Variants in NCOA3 observed in about 807,000 individuals in gnomAD.
NCOA3 encodes the protein CBP-interacting protein.
A neutral mutation model predicts 158.8 loss-of-function variants in NCOA3; 51 were observed. The observed-to-expected ratio is 0.32, with a 90% CI of 0.26 to 0.41. The LOEUF is 0.41. NCOA3 is among the 10% of genes least tolerant of loss of function. The pLI is 1.00. For synonymous variants in NCOA3, 537 were observed against 592.4 expected (o/e 0.91, Z 1.36); for missense variants, 1,510 against 1,746.6 (o/e 0.86, Z 2.41).
chr20:47,542,028 T>TTGTTTTTTTTTTG (rs1555802262), intron 1 of NCOA3, among the ~76,000 whole-genome samples: 1 of 81,716 alleles, frequency 1.2e-5, no homozygotes, highest in Non-Finnish European at 2.5e-5. Context: ...TTTTTTTTTT[T>TTGTTTTTTTTTTG]TTGTTGTTGT....
At chr20:47,540,843 A>G (rs2084714561) in intron 1 of NCOA3, among the ~76,000 whole-genome samples, 1 of 152,162 alleles carries the variant, frequency 6.6e-6, no homozygotes, top group African/African-American at 2.4e-5. Context: ...AGAGGAAGAA[A>G]TGATTGTTTG....
chr20:47,618,733 G>A (rs1174744447), intron 2 of NCOA3, among the ~76,000 whole-genome samples: 1 of 152,186 alleles, frequency 6.6e-6, no homozygotes, highest in Non-Finnish European at 1.5e-5. Flanking sequence ...ACAGGCTTAT[G>A]TGTACAGTGT....
At chr20:47,515,428 G>A (rs895218810) in intron 1 of NCOA3, among the ~76,000 whole-genome samples, 1 of 150,670 alleles carries the variant, frequency 6.6e-6, no homozygotes, top group South Asian at 2.1e-4. Context: ...CAAAGTGCTG[G>A]AAATACAGGC....
intron 1 of NCOA3, among the ~76,000 whole-genome samples, chr20:47,519,900 T>C (rs989011972): frequency 6.6e-6 from 1 of 151,878 alleles, no homozygotes; most frequent in Non-Finnish European, 1.5e-5. Flanking sequence ...TAGCTGGGAC[T>C]ATATAGATGC....
intron 1 of NCOA3, among the ~76,000 whole-genome samples, chr20:47,562,557 G>C (rs1010231556): frequency 2.0e-5 from 3 of 148,102 alleles, no homozygotes; most frequent in African/African-American, 7.5e-5. Flanking sequence ...TTTTTAATTT[G>C]TGTTGGCAAA....
rs1271557535 is a variant in NCOA3, at chr20:47,652,976, G to A, written c.4167G>A (p.Val1389=). 8.1e-6 allele frequency: 13 copies of A among 1,614,112 alleles called. No homozygotes were observed. The highest frequency in any genetic ancestry group is 1.0e-5 in the Non-Finnish European group (12 of 1,180,044). The change falls in exon 22 of 23, where the codon GTG becomes GTA. Residue 1389 remains valine, a synonymous_variant. Coordinates refer to ENST00000371998, the MANE Select transcript of NCOA3 (RefSeq NM_181659.3). ...TTGCCCACCAGGGGAATCCTGCAGT[G>A]TATAGTATGGTGCACATGAATGGCA... The part of the protein sequence containing the change: ...QQFAHQGNPA[V]YSMVHMNGSS...
chr20:47,518,113 G>A (rs56071373), intron 1 of NCOA3, among the ~76,000 whole-genome samples: 32,464 of 151,878 alleles, frequency 0.21, 3,845 homozygotes, highest in Middle Eastern at 0.31. Flanking sequence ...CTGGGAGGTC[G>A]AGGTGGGAGA....
chr20:47,656,335 AG>A lies in NCOA3; in HGVS notation c.*2919del, dbSNP rs1260957120. On this transcript the variant is annotated 3_prime_UTR_variant, in exon 23 of 23. Transcript: ENST00000371998. ...TCAATAACAGTGCTACTTAGTTATC[AG>A]TATTTAATATCTGAGGTGAGTTGGG... 3 of 152,286 alleles carry A rather than the reference AG, an allele frequency of 2.0e-5. No individual in the cohort carries two copies. The highest frequency in any genetic ancestry group is 2.1e-4 in the South Asian group (1 of 4,830). 9.4% of individuals were successfully genotyped at this position (152,286 alleles called of 1,614,324 possible). A position where few individuals can be genotyped will look rare whatever the true frequency, so the allele number is the denominator to read the frequency against.
chr20:47,649,527 G>C (rs543977843), intron 19 of NCOA3, among the ~76,000 whole-genome samples: 20 of 152,276 alleles, frequency 1.3e-4, no homozygotes, highest in African/African-American at 4.6e-4. Context: ...CTCAGTGATA[G>C]CCTCTGAGAT....
intron 1 of NCOA3, among the ~76,000 whole-genome samples, chr20:47,555,941 CTTTT>C (rs36094546): frequency 1.6e-5 from 2 of 128,542 alleles, no homozygotes; most frequent in Non-Finnish European, 3.3e-5. Context: ...TGCACCCAGC[CTTTT>C]TTTTTTTTTT....
chr20:47,514,474 A>G (rs905122565), intron 1 of NCOA3, among the ~76,000 whole-genome samples: 4 of 151,694 alleles, frequency 2.6e-5, no homozygotes, highest in African/African-American at 7.3e-5. Flanking sequence ...TGAAATCTCC[A>G]CCTCCCAGGT....
intron 1 of NCOA3, among the ~76,000 whole-genome samples, chr20:47,521,461 C>T (rs960676238): frequency 1.3e-5 from 2 of 152,048 alleles, no homozygotes; most frequent in Admixed American, 1.3e-4. Flanking sequence ...TTATTCCTGA[C>T]GCACGTGGCC....
At chr20:47,565,402 A>G (rs907520235) in intron 1 of NCOA3, among the ~76,000 whole-genome samples, 1 of 152,152 alleles carries the variant, frequency 6.6e-6, no homozygotes, top group Admixed American at 6.6e-5. Context: ...AGTCTTTGTA[A>G]CTGCCCTGCT....
intron 1 of NCOA3, among the ~76,000 whole-genome samples, chr20:47,542,009 G>GTTTTTTTTTTTTTTTTTTTTT (rs755173294): frequency 6.0e-4 from 34 of 56,346 alleles, no homozygotes; most frequent in African/African-American, 8.9e-4. Context: ...GCCCTGTAGA[G>GTTTTTTTTTTTTTTTTTTTTT]TTTTTTTTTT....
chr20:47,520,596 C>A (rs536082767), intron 1 of NCOA3, among the ~76,000 whole-genome samples: 13 of 152,198 alleles, frequency 8.5e-5, no homozygotes, highest in Non-Finnish European at 1.9e-4. Context: ...AAGACTCAAC[C>A]TCTCAAACCA....
At chr20:47,550,711 C>G (rs1191287562) in intron 1 of NCOA3, among the ~76,000 whole-genome samples, 5 of 152,148 alleles carry the variant, frequency 3.3e-5, no homozygotes, top group Admixed American at 2.0e-4. Context: ...AATGACATCG[C>G]TTTCACATAA....
At chr20:47,645,546 A>G (rs996092887) in intron 17 of NCOA3, among the ~76,000 whole-genome samples, 1 of 151,978 alleles carries the variant, frequency 6.6e-6, no homozygotes, top group East Asian at 1.9e-4. Flanking sequence ...TTGTTGCGTT[A>G]TTAGTGTTTT....
chr20:47,596,541 A>G (rs2085759139), intron 2 of NCOA3, among the ~76,000 whole-genome samples: 1 of 152,054 alleles, frequency 6.6e-6, no homozygotes, highest in Admixed American at 6.6e-5. Context: ...CTGCTAATAT[A>G]TTTGCTTTCA....
intron 1 of NCOA3, among the ~76,000 whole-genome samples, chr20:47,548,499 A>G (rs2084870682): frequency 1.3e-5 from 2 of 152,076 alleles, no homozygotes; most frequent in Admixed American, 1.3e-4. Flanking sequence ...AGCTGAGATC[A>G]TGCCACTGCA....
Sources: gnomAD v4.1 joint callset for allele counts (sites outside exome capture counted in the v4.1 genomes callset) on GRCh38, gnomAD v4.1.1 for gene constraint, MANE v1.5 for transcripts, NCBI Gene and HGNC (gene_info 2026-07-23, HGNC 2026-07-21) for gene names.